CSMD1: variants seen among roughly 807,000 people sequenced by gnomAD.
The protein encoded by CSMD1 is CUB and Sushi multiple domains 1, also known as CUB and sushi domain-containing protein 1.
In CSMD1, 213 loss-of-function variants were observed where a neutral mutation model predicts 417.5. That is an observed-to-expected ratio of 0.51 (90% CI 0.46 to 0.57). The LOEUF is 0.57. CSMD1 is among the 20% of genes least tolerant of loss of function. The pLI is 0.00. For synonymous variants in CSMD1, 2,862 were observed against 1,736.8 expected (o/e 1.65, Z -16.11); for missense variants, 6,923 against 4,529.7 (o/e 1.53, Z -15.17).
At chr8:3,358,410 G>C (rs1808937816) in intron 21 of CSMD1, among the ~76,000 whole-genome samples, 1 of 152,194 alleles carries the variant, frequency 6.6e-6, no homozygotes, top group Admixed American at 6.5e-5. Context: ...AACTACGAGA[G>C]CTCTGGCTGT....
At chr8:4,831,210 A>C (rs775525469) in intron 1 of CSMD1, among the ~76,000 whole-genome samples, 2 of 152,298 alleles carry the variant, frequency 1.3e-5, no homozygotes, top group South Asian at 4.1e-4. Flanking sequence ...ATGTCCTTTC[A>C]TTTTCCACAC....
intron 3 of CSMD1, among the ~76,000 whole-genome samples, chr8:4,164,572 C>A (rs920370285): frequency 1.3e-5 from 2 of 152,146 alleles, no homozygotes; most frequent in East Asian, 3.8e-4. Context: ...CGCCCAAAAT[C>A]TTCTTGAATG....
chr8:3,439,784 G>A (rs946395796), intron 12 of CSMD1, among the ~76,000 whole-genome samples: 1 of 151,944 alleles, frequency 6.6e-6, no homozygotes, highest in Non-Finnish European at 1.5e-5. Flanking sequence ...ACTTTTATAT[G>A]TTTACATTTA....
chr8:4,619,079 C>G (rs1265602216), intron 2 of CSMD1, among the ~76,000 whole-genome samples: 4 of 152,044 alleles, frequency 2.6e-5, no homozygotes, highest in Admixed American at 6.6e-5. Flanking sequence ...GAAAGCCAAA[C>G]AAATATTAAA....
intron 2 of CSMD1, among the ~76,000 whole-genome samples, chr8:4,433,062 C>G (rs1340084846): frequency 6.6e-6 from 1 of 152,152 alleles, no homozygotes; most frequent in African/African-American, 2.4e-5. Flanking sequence ...GTTGCACACT[C>G]TTTATAACTA....
chr8:4,949,572 G>C (rs371607300), intron 1 of CSMD1, among the ~76,000 whole-genome samples: 11 of 152,148 alleles, frequency 7.2e-5, no homozygotes, highest in African/African-American at 2.7e-4. Context: ...CTGGTATCCA[G>C]TGATGCTGCC....
At chr8:4,383,672 G>T (rs1159410127) in intron 3 of CSMD1, among the ~76,000 whole-genome samples, 1 of 152,080 alleles carries the variant, frequency 6.6e-6, no homozygotes, top group Non-Finnish European at 1.5e-5. Flanking sequence ...TCCAAAGAAA[G>T]AAACCAAAAT....
intron 5 of CSMD1, among the ~76,000 whole-genome samples, chr8:3,878,727 G>T (rs867556985): frequency 6.6e-6 from 1 of 152,120 alleles, no homozygotes; most frequent in African/African-American, 2.4e-5. Context: ...TGTGTCATGG[G>T]AAATATTAGA....
intron 1 of CSMD1, among the ~76,000 whole-genome samples, chr8:4,771,706 G>A (rs1298669775): frequency 6.6e-6 from 1 of 152,218 alleles, no homozygotes; most frequent in Non-Finnish European, 1.5e-5. Flanking sequence ...CCTGTGTCCA[G>A]CATGTCAGGC....
chr8:4,452,556 A>C (rs1430747780), intron 2 of CSMD1, among the ~76,000 whole-genome samples: 1 of 152,206 alleles, frequency 6.6e-6, no homozygotes, highest in Admixed American at 6.5e-5. Context: ...ACTTTTTCCA[A>C]TCATTTTTAT....
chr8:3,722,370 G>A (rs1802232763), intron 6 of CSMD1, among the ~76,000 whole-genome samples: 1 of 152,100 alleles, frequency 6.6e-6, no homozygotes, highest in Non-Finnish European at 1.5e-5. Flanking sequence ...GAAGTTGAGG[G>A]TCACTTTAGG....
At chr8:4,647,032 G>C (rs1803560777) in intron 1 of CSMD1, among the ~76,000 whole-genome samples, 1 of 152,096 alleles carries the variant, frequency 6.6e-6, no homozygotes, top group South Asian at 2.1e-4. Context: ...CCCTCCTCTA[G>C]GCCATCCAAA....
rs1015966144 is a variant in CSMD1 at position 3,204,626 on chromosome 8, C to T, written c.4984+878G>A. On this transcript the variant is annotated intron_variant, in intron 31 of 69. Transcript: ENST00000635120. ...TAGAAGTTTACAAAAACACTGGCTC[C>T]CACACACAAGTTTCTTACACATCAA... Among the ~76,000 whole-genome samples the T allele has an allele frequency of 7.9e-5, 12 of 152,232 alleles. No individual in the cohort carries two copies. In the East Asian group the frequency reaches 2.1e-3, roughly 27 times the overall value.
chr8:3,901,944 T>A (rs1210551165), intron 5 of CSMD1, among the ~76,000 whole-genome samples: 1 of 152,220 alleles, frequency 6.6e-6, no homozygotes. Context: ...GGACCAGACA[T>A]GTATTTCAGT....
At chr8:2,994,545 G>T (rs1315138395) in intron 54 of CSMD1, among the ~76,000 whole-genome samples, 2 of 152,106 alleles carry the variant, frequency 1.3e-5, no homozygotes, top group Admixed American at 6.6e-5. Context: ...TTTTACAGAG[G>T]AAAACGGATG....
intron 1 of CSMD1, among the ~76,000 whole-genome samples, chr8:4,745,867 G>A (rs1014522277): frequency 2.6e-5 from 4 of 152,114 alleles, no homozygotes; most frequent in African/African-American, 7.2e-5. Flanking sequence ...TGTATAGAAG[G>A]GCTTCTGAGC....
intron 23 of CSMD1, among the ~76,000 whole-genome samples, chr8:3,330,505 A>C (rs559096085): frequency 1.3e-5 from 2 of 152,320 alleles, no homozygotes; most frequent in East Asian, 3.9e-4. Context: ...ACAGGAAACC[A>C]AATACCGCGT....
At chr8:4,887,512 T>C (rs1563678832) in intron 1 of CSMD1, among the ~76,000 whole-genome samples, 2 of 152,136 alleles carry the variant, frequency 1.3e-5, no homozygotes, top group Middle Eastern at 6.8e-3. Context: ...TCAATTCTTC[T>C]AGTTCCTTGT....
rs531415869 is a variant in CSMD1 at position 4,157,076 on chromosome 8, G to A, written c.416-124977C>T. ...TGTAGACCAGAACAGGGATGGACCC[G>A]CCATGGCCAGGGTGACAAATCTCAC... On this transcript the variant is annotated intron_variant, in intron 3 of 69. Coordinates refer to ENST00000635120, the MANE Select transcript of CSMD1 (RefSeq NM_033225.6). Among the ~76,000 whole-genome samples the A allele has an allele frequency of 9.2e-5, 14 of 152,234 alleles. No individual in the cohort carries two copies. In the East Asian group the frequency reaches 1.9e-3, roughly 21 times the overall value.
Sources: allele counts gnomAD v4.1 joint callset (sites outside exome capture counted in the v4.1 genomes callset), GRCh38; gene constraint gnomAD v4.1.1; transcripts MANE v1.5; gene names NCBI Gene and HGNC (gene_info 2026-07-23, HGNC 2026-07-21).